VPS13D: variants seen among roughly 807,000 people sequenced by gnomAD.
VPS13D encodes the protein vacuolar protein sorting 13 homolog D.
Under a neutral mutation model 461.9 loss-of-function variants are expected in VPS13D, and 187 were observed. The observed-to-expected ratio is 0.40, with a 90% CI of 0.36 to 0.46. The LOEUF (loss-of-function observed/expected upper bound fraction) is 0.46, where lower values mean the gene tolerates loss of function less well. Ranked by LOEUF, VPS13D falls within the 20% of genes least tolerant of loss-of-function variation. The pLI is 0.60. For synonymous variants in VPS13D, 1,951 were observed against 1,986.3 expected (o/e 0.98, Z 0.47); for missense variants, 4,711 against 5,364.9 (o/e 0.88, Z 3.81).
At position 12,348,827 on chromosome 1, in the gene VPS13D, C is replaced by A; in HGVS notation, c.9074C>A (p.Ser3025Tyr). 1 of 1,614,056 alleles carries A rather than the reference C, an allele frequency of 6.2e-7. No individual in the cohort carries two copies. Among genetic ancestry groups the A allele is most frequent in the Non-Finnish European group, 8.5e-7 (1 of 1,179,968 alleles). ...GTCTTTATCGCTCTTTCACAGTTCT[C>A]TTCACTCCCACCAGTGCGGGTGGTC... ...TNIIHPQVYF[S>Y]SLPPVRVVFA... Residue 3025 changes from serine (S) to tyrosine (Y), a missense_variant, in exon 45 of 70, where the codon TCT becomes TAT. Transcript: ENST00000620676.
intron 16 of VPS13D, among the ~76,000 whole-genome samples, chr1:12,270,719 T>C (rs1438092417): frequency 6.6e-6 from 1 of 152,048 alleles, no homozygotes; most frequent in Non-Finnish European, 1.5e-5. Flanking sequence ...TGTTACTGAT[T>C]TGTTTTTTTC....
At chr1:12,475,719 A>T (rs1645622251) in intron 67 of VPS13D, among the ~76,000 whole-genome samples, 1 of 152,236 alleles carries the variant, frequency 6.6e-6, no homozygotes, top group South Asian at 2.1e-4. Flanking sequence ...AAGTGGCCCC[A>T]GACATACATA....
rs1390199410 is a variant in VPS13D, at chr1:12,506,947, G to A, written c.12889G>A (p.Ala4297Thr). ...AAGTGGAGACTACGTGGATCGAGAAGCCATTTTCCTAGAAGTCAAATACGA... is the reference window on the plus strand; with the variant it reads ...AAGTGGAGACTACGTGGATCGAGAAACCATTTTCCTAGAAGTCAAATACGA... ...LKSGDYVDRE[A>T]IFLEVKYDDL... Residue 4297 changes from alanine (A) to threonine (T), a missense_variant, in exon 69 of 70, where the codon GCC (alanine) becomes ACC (threonine). By Grantham distance (58) the Ala-to-Thr change is moderately conservative. Transcript: ENST00000620676. The A allele has an allele frequency of 5.0e-6, 8 of 1,614,154 alleles. No individual in the cohort carries two copies. Among genetic ancestry groups the A allele is most frequent in the Non-Finnish European group, 6.8e-6 (8 of 1,180,062 alleles).
chr1:12,246,339 G>A (rs1304576885), intron 5 of VPS13D, among the ~76,000 whole-genome samples: 1 of 152,160 alleles, frequency 6.6e-6, no homozygotes, highest in African/African-American at 2.4e-5. Context: ...GATACAGGTC[G>A]AGTATCCCAA....
At chr1:12,281,193 C>T (rs1202575383) in intron 20 of VPS13D, among the ~76,000 whole-genome samples, 1 of 151,852 alleles carries the variant, frequency 6.6e-6, no homozygotes, top group Non-Finnish European at 1.5e-5. Flanking sequence ...GTATTTCATG[C>T]CTTACAAAAT....
chr1:12,327,830 C>T lies in VPS13D; in HGVS notation c.8173C>T (p.Pro2725Ser), dbSNP rs1643230313. The T allele has an allele frequency of 6.2e-7, 1 of 1,613,972 alleles. No homozygotes were observed. Among genetic ancestry groups the T allele is most frequent in the Non-Finnish European group, 8.5e-7 (1 of 1,179,998 alleles). The part of the protein sequence containing the change: ...FIDDCMDCDV[P>S]LAELTFSRLN... Reference sequence around the variant, plus strand: ...CGATGACTGCATGGATTGTGATGTTCCTCTCGCTGAACTCACCTTTTCCCG... The same window carrying T: ...CGATGACTGCATGGATTGTGATGTTTCTCTCGCTGAACTCACCTTTTCCCG... The change falls in exon 36 of 70, where the codon CCT becomes TCT. Residue 2725 changes from proline (P) to serine (S), a missense_variant. By Grantham distance (74) the Pro-to-Ser change is moderately conservative. This residue lies in a region of VPS13D where 4,411 missense variants were observed against 4,937.8 expected (regional missense o/e 0.89). Coordinates refer to ENST00000620676, the MANE Select transcript of VPS13D (RefSeq NM_015378.4).
At chr1:12,471,146 C>T (rs1037434873) in intron 67 of VPS13D, among the ~76,000 whole-genome samples, 1 of 152,078 alleles carries the variant, frequency 6.6e-6, no homozygotes, top group African/African-American at 2.4e-5. Flanking sequence ...ACTAAAAATA[C>T]AGAAATCAGC....
chr1:12,293,947 C>T (rs903188843), intron 24 of VPS13D, among the ~76,000 whole-genome samples: 1 of 152,182 alleles, frequency 6.6e-6, no homozygotes, highest in African/African-American at 2.4e-5. Flanking sequence ...GGGAGGTTTA[C>T]AAAGAACACT....
chr1:12,417,243 A>T (rs1436112793), intron 65 of VPS13D, among the ~76,000 whole-genome samples: 1 of 152,234 alleles, frequency 6.6e-6, no homozygotes, highest in African/African-American at 2.4e-5. Flanking sequence ...ACAGCCTTCT[A>T]TAATGACAAC....
intron 39 of VPS13D, chr1:12,337,390 T>G (rs1643475043): frequency 6.6e-6 from 1 of 152,226 alleles, no homozygotes; most frequent in Non-Finnish European, 1.5e-5. Flanking sequence ...TCATAAACTT[T>G]CAGGTCTTAT....
chr1:12,267,399 A>G (rs1358100757), intron 14 of VPS13D, among the ~76,000 whole-genome samples: 1 of 152,156 alleles, frequency 6.6e-6, no homozygotes, highest in East Asian at 1.9e-4. Flanking sequence ...AGTTTTCTAT[A>G]TATATGTAAT....
intron 60 of VPS13D, among the ~76,000 whole-genome samples, chr1:12,397,030 T>C (rs1357687775): frequency 1.8e-4 from 28 of 152,120 alleles, no homozygotes; most frequent in Admixed American, 1.8e-3. Flanking sequence ...GCCTCCCAGG[T>C]TCAAGTGATC....
chr1:12,238,998 C>T (rs573223793), intron 2 of VPS13D, among the ~76,000 whole-genome samples: 5 of 152,058 alleles, frequency 3.3e-5, no homozygotes, highest in East Asian at 1.9e-4. Context: ...ACAAATTATA[C>T]GGTAATACAA....
intron 18 of VPS13D, among the ~76,000 whole-genome samples, chr1:12,275,082 G>A (rs1641568148): frequency 6.6e-6 from 1 of 152,144 alleles, no homozygotes; most frequent in South Asian, 2.1e-4. Context: ...AGCCAGTCAT[G>A]GTAGCAGGCA....
intron 67 of VPS13D, among the ~76,000 whole-genome samples, chr1:12,483,947 G>A (rs776369815): frequency 4.6e-5 from 7 of 151,038 alleles, no homozygotes; most frequent in East Asian, 2.0e-4. Context: ...GCAGTGAGCC[G>A]AGATGGTGCC....
intron 8 of VPS13D, 98 bp from the exon 9 acceptor site, chr1:12,256,889 A>T: frequency 7.7e-7 from 1 of 1,294,126 alleles, no homozygotes; most frequent in South Asian, 1.4e-5. Flanking sequence ...AATTCAGTGG[A>T]TCAACTAATG....
chr1:12,418,615 G>A (rs1181519065), intron 65 of VPS13D, among the ~76,000 whole-genome samples: 1 of 152,184 alleles, frequency 6.6e-6, no homozygotes, highest in East Asian at 1.9e-4. Context: ...GAATAGAAAT[G>A]CACCTACTTT....
intron 65 of VPS13D, among the ~76,000 whole-genome samples, chr1:12,419,845 G>A (rs1055543300): frequency 1.3e-4 from 20 of 152,224 alleles, no homozygotes; most frequent in African/African-American, 4.3e-4. Flanking sequence ...ATTGCTGTGC[G>A]AACATCATAG....
intron 42 of VPS13D, among the ~76,000 whole-genome samples, chr1:12,343,328 C>T (rs924688532): frequency 6.6e-6 from 1 of 151,966 alleles, no homozygotes; most frequent in South Asian, 2.1e-4. Flanking sequence ...GGATGCTCCA[C>T]CACACCTGGC....
Sources: allele counts gnomAD v4.1 joint callset (sites outside exome capture counted in the v4.1 genomes callset), GRCh38; gene constraint gnomAD v4.1.1; regional missense constraint gnomAD v4.1.1; transcripts MANE v1.5; gene names NCBI Gene and HGNC (gene_info 2026-07-23, HGNC 2026-07-21).